CAMTA1: variants seen among roughly 807,000 people sequenced by gnomAD.
CAMTA1 encodes calmodulin binding transcription activator 1.
In CAMTA1, 27 loss-of-function variants were observed where a neutral mutation model predicts 170.9. The ratio of observed to expected loss-of-function variants is 0.16; its 90% CI spans 0.12 to 0.22. CAMTA1 has a LOEUF of 0.22. Ranked by LOEUF, CAMTA1 falls within the 10% of genes least tolerant of loss-of-function variation. The pLI, the probability that CAMTA1 is intolerant of heterozygous loss-of-function variation, is 1.00. For synonymous variants in CAMTA1, 833 were observed against 891.5 expected, an observed-to-expected ratio of 0.93 and a Z score of 1.17; for missense variants, 1,619 against 2,217.2, an observed-to-expected ratio of 0.73 and a Z score of 5.42.
chr1:7,148,082 A>T (rs1016019153), intron 4 of CAMTA1, among the ~76,000 whole-genome samples: 4 of 151,740 alleles, frequency 2.6e-5, no homozygotes, highest in African/African-American at 9.7e-5. Flanking sequence ...CTCATACACC[A>T]TGCACACACT....
intron 4 of CAMTA1, among the ~76,000 whole-genome samples, chr1:7,155,623 G>T (rs1367045593): frequency 6.6e-6 from 1 of 151,904 alleles, no homozygotes; most frequent in Non-Finnish European, 1.5e-5. Context: ...TAGGGAAGAG[G>T]TCACACCATG....
intron 3 of CAMTA1, among the ~76,000 whole-genome samples, chr1:7,053,052 G>C (rs11120822): frequency 0.34 from 52,398 of 152,188 alleles, 9,625 homozygotes; most frequent in East Asian, 0.52. Flanking sequence ...GGGAAAGAGC[G>C]GACACAGCCA....
chr1:7,579,435 G>A lies in CAMTA1; in HGVS notation c.511-60965G>A, dbSNP rs1434672621. On this transcript the variant is annotated intron_variant, in intron 6 of 22. Transcript: ENST00000303635. ...AGGTGCTGTTATTACCTGCCGTTGT[G>A]TAGACAGGAAAAGCTCAGAGAGTTC... Among the ~76,000 whole-genome samples the A allele has an allele frequency of 3.3e-5, 5 of 152,072 alleles. No individual in the cohort carries two copies. The East Asian group carries it at 7.7e-4, about 24-fold the overall frequency.
intron 20 of CAMTA1, among the ~76,000 whole-genome samples, chr1:7,751,622 G>A (rs567935783): frequency 6.6e-6 from 1 of 151,682 alleles, no homozygotes; most frequent in African/African-American, 2.4e-5. Flanking sequence ...TTTTGATATT[G>A]CCACCCAATT....
At chr1:6,829,509 T>G (rs772255137) in intron 3 of CAMTA1, among the ~76,000 whole-genome samples, 4 of 152,132 alleles carry the variant, frequency 2.6e-5, no homozygotes, top group Admixed American at 6.5e-5. Flanking sequence ...ACACAAGGAG[T>G]GAAGGTGATG....
At chr1:7,550,929 C>T (rs1457231728) in intron 6 of CAMTA1, among the ~76,000 whole-genome samples, 1 of 152,172 alleles carries the variant, frequency 6.6e-6, no homozygotes, top group Non-Finnish European at 1.5e-5. Flanking sequence ...TCTCTGCCCC[C>T]TCCCCACGAG....
chr1:7,149,141 C>T (rs1646415639), intron 4 of CAMTA1, among the ~76,000 whole-genome samples: 1 of 152,216 alleles, frequency 6.6e-6, no homozygotes, highest in Non-Finnish European at 1.5e-5. Context: ...TCCCTACTTG[C>T]CATTCCCCAG....
rs74052495 is a variant in CAMTA1 at position 7,286,497 on chromosome 1, G to A, written c.438+36871G>A. On this transcript the variant is annotated intron_variant, in intron 5 of 22. Coordinates refer to ENST00000303635, the MANE Select transcript of CAMTA1 (RefSeq NM_015215.4). The surrounding 1 kb of genome is among the most constrained non-coding windows in gnomAD (Gnocchi z 4.2). The stretch of plus-strand genomic sequence containing the variant: ...GCTGGAATCATGAACGTTCAGGGTC[G>A]TCACCCTCACCCTGCTGTCATCCTC... 0.012 allele frequency among the ~76,000 whole-genome samples: 1,827 copies of A among 152,278 alleles called. 44 individuals are homozygous for A. The highest frequency in any genetic ancestry group is 0.041 in the African/African-American group (1,711 of 41,548).
intron 3 of CAMTA1, among the ~76,000 whole-genome samples, chr1:6,963,495 G>A (rs1216528857): frequency 1.3e-5 from 2 of 152,038 alleles, no homozygotes; most frequent in Non-Finnish European, 1.5e-5. Context: ...CTGTTCTTCA[G>A]GGGGTGCCTT....
chr1:6,830,948 A>G (rs990279053), intron 3 of CAMTA1, among the ~76,000 whole-genome samples: 1 of 151,938 alleles, frequency 6.6e-6, no homozygotes, highest in African/African-American at 2.4e-5. Flanking sequence ...CCTCCTGAGT[A>G]GCTGGGACTA....
intron 3 of CAMTA1, among the ~76,000 whole-genome samples, chr1:6,836,935 A>G (rs17029940): frequency 0.066 from 9,982 of 150,898 alleles, 379 homozygotes; most frequent in Middle Eastern, 0.099. Flanking sequence ...TCATACCCTG[A>G]AGGAGTTCTT....
intron 19 of CAMTA1, among the ~76,000 whole-genome samples, chr1:7,749,225 C>T (rs2096878178): frequency 6.6e-6 from 1 of 152,238 alleles, no homozygotes; most frequent in Admixed American, 6.5e-5. Context: ...GGGATTCTAT[C>T]ACCTTGTCAT....
chr1:7,419,150 T>A (rs1172288605), intron 5 of CAMTA1, among the ~76,000 whole-genome samples: 1 of 152,190 alleles, frequency 6.6e-6, no homozygotes, highest in Admixed American at 6.5e-5. Flanking sequence ...CTTCTTCTTT[T>A]TATTTTTATT....
chr1:7,465,138 G>A (rs368315501), intron 5 of CAMTA1, among the ~76,000 whole-genome samples: 8 of 152,260 alleles, frequency 5.3e-5, no homozygotes, highest in South Asian at 4.1e-4. Flanking sequence ...AACATTGACC[G>A]TCTCTGGAGT....
chr1:7,123,411 C>T (rs902608071), intron 4 of CAMTA1, among the ~76,000 whole-genome samples: 3 of 152,132 alleles, frequency 2.0e-5, no homozygotes, highest in Non-Finnish European at 4.4e-5. Context: ...TGATCATCCG[C>T]GAAGACCCTA....
At chr1:7,750,054 T>A (rs1379473473) in intron 19 of CAMTA1, among the ~76,000 whole-genome samples, 2 of 152,208 alleles carry the variant, frequency 1.3e-5, no homozygotes, top group Admixed American at 1.3e-4. Flanking sequence ...CTGTGGCCAC[T>A]AAGTAAATAC....
chr1:7,031,527 G>A (rs569526233), intron 3 of CAMTA1, among the ~76,000 whole-genome samples: 3 of 152,174 alleles, frequency 2.0e-5, no homozygotes, highest in East Asian at 1.9e-4. Context: ...GCTGTTTAAT[G>A]CAGTCTTGCA....
chr1:6,789,215 C>T (rs1322257438), intron 1 of CAMTA1, among the ~76,000 whole-genome samples: 1 of 150,980 alleles, frequency 6.6e-6, no homozygotes, highest in Non-Finnish European at 1.5e-5. Context: ...TAGTGTTGCT[C>T]TTACTTGCTC....
chr1:7,102,255 T>G (rs569434780), intron 4 of CAMTA1, among the ~76,000 whole-genome samples: 6 of 152,250 alleles, frequency 3.9e-5, no homozygotes, highest in African/African-American at 1.4e-4. Flanking sequence ...TTAAGCTGTT[T>G]AGTTTGAGGT....
Sources: allele counts gnomAD v4.1 joint callset (sites outside exome capture counted in the v4.1 genomes callset), GRCh38; gene constraint gnomAD v4.1.1; non-coding constraint Gnocchi (gnomAD v3.1); transcripts MANE v1.5; gene names NCBI Gene and HGNC (gene_info 2026-07-23, HGNC 2026-07-21).